The following NAPG variants were observed in gnomAD, a reference collection of about 807,000 sequenced individuals.
The protein encoded by NAPG is gamma-soluble NSF attachment protein.
In NAPG, 25 loss-of-function variants were observed where a neutral mutation model predicts 48.4. The observed-to-expected ratio is 0.52, with a 90% CI of 0.38 to 0.72. The LOEUF (loss-of-function observed/expected upper bound fraction) is 0.72. Ranked by LOEUF, NAPG falls within the 30% of genes least tolerant of loss-of-function variation. The pLI, the probability that NAPG is intolerant of heterozygous loss-of-function variation, is 0.00. For synonymous variants in NAPG, 139 were observed against 127.2 expected, an observed-to-expected ratio of 1.09 and a Z score of -0.62; for missense variants, 359 against 372.5, an observed-to-expected ratio of 0.96 and a Z score of 0.30.
At position 10,540,414 on chromosome 18, in the gene NAPG, A is replaced by T. The variant is rs755518573; in HGVS notation, c.506+15A>T. ...CGAGGACGTAGGTATGTCTTTAAAA[A>T]CTATTGCTGTGTGTTTAACTATACT... On this transcript the variant is annotated intron_variant, in intron 8 of 11. Transcript: ENST00000322897. 14 of 1,603,682 alleles carry T rather than the reference A, an allele frequency of 8.7e-6. No individual in the cohort carries two copies. Among genetic ancestry groups the T allele is most frequent in the Middle Eastern group, 3.3e-4 (2 of 6,052 alleles).
rs1332466123 is a variant in NAPG at position 10,551,211 on chromosome 18, G to A, written c.*991G>A. On this transcript the variant is annotated 3_prime_UTR_variant, in exon 12 of 12. Transcript: ENST00000322897. ...CTTGGCCTCCCAAAGTGCTGGGATTGTAGACATAAGCCACCTCACCCAGCC... is the reference window on the plus strand; with the variant it reads ...CTTGGCCTCCCAAAGTGCTGGGATTATAGACATAAGCCACCTCACCCAGCC... The A allele has an allele frequency of 6.6e-6, 1 of 151,796 alleles. No individual in the cohort carries two copies. Among genetic ancestry groups the A allele is most frequent in the African/African-American group, 2.4e-5 (1 of 41,326 alleles). 9.4% of individuals were successfully genotyped at this position (151,796 alleles called of 1,614,324 possible).
At position 10,548,444 on chromosome 18, in the gene NAPG, C is replaced by T. The variant is rs2032314220; in HGVS notation, c.665+66C>T. The stretch of plus-strand genomic sequence containing the variant: ...ACCTCTGTGTCTACAACTAAGATTG[C>T]TGCTAGGACACATGTTCCTGGCCAT... On this transcript the variant is annotated intron_variant, in intron 10 of 11. Transcript: ENST00000322897. The surrounding 1 kb of genome is among the most constrained non-coding windows in gnomAD (Gnocchi z 4.4). 2 of 1,248,920 alleles carry T rather than the reference C, an allele frequency of 1.6e-6. No homozygotes were observed. The highest frequency in any genetic ancestry group is 2.3e-6 in the Non-Finnish European group (2 of 854,754). The allele number at this position is 1,248,920 out of a possible 1,614,324, so 77.4% of individuals were successfully genotyped here.
rs61368477 is a variant in NAPG at position 10,548,017 on chromosome 18, G to A, written c.586-282G>A. On this transcript the variant is annotated intron_variant, in intron 9 of 11. Coordinates refer to ENST00000322897, the MANE Select transcript of NAPG (RefSeq NM_003826.3). This position sits in a 1 kb window ranked among gnomAD's most constrained non-coding sequence, Gnocchi z 4.4. ...TGATCTAAGGCTTGTGTCAAAGTGC[G>A]GTCCCCAGACCAGCAGCAGGAGTGC... Among the ~76,000 whole-genome samples the A allele has an allele frequency of 2.6e-3, 393 of 152,244 alleles. 2 individuals are homozygous for A. Among genetic ancestry groups the A allele is most frequent in the African/African-American group, 8.8e-3 (366 of 41,548 alleles).
In NAPG at chr18:10,534,501, G is replaced by C; in HGVS notation, c.258+5G>C. 6.2e-7 allele frequency: 1 copy of C among 1,612,302 alleles called. No individual in the cohort carries two copies. On this transcript the variant is annotated splice_donor_5th_base_variant and intron_variant, in intron 5 of 11. Coordinates refer to ENST00000322897, the MANE Select transcript of NAPG (RefSeq NM_003826.3). This position sits in a 1 kb window ranked among gnomAD's most constrained non-coding sequence, Gnocchi z 5.0. The stretch of plus-strand genomic sequence containing the variant: ...CAAGCTGGAATGATGTTGAAGGTCA[G>C]TAATGTTATGTCACAATTGTTGTGT...
intron 1 of NAPG, among the ~76,000 whole-genome samples, chr18:10,528,833 AG>A (rs1308964095): frequency 1.3e-5 from 2 of 152,114 alleles, no homozygotes; most frequent in African/African-American, 4.8e-5. Context: ...TGCTAGACAG[AG>A]TTACTCAGTG....
Position 10,540,609 on chromosome 18 carries a change from A to G in NAPG, c.506+210A>G, listed in dbSNP as rs1197460282. The G allele has an allele frequency of 6.7e-6, 3 of 446,674 alleles. No homozygotes were observed. In the East Asian group the frequency reaches 1.0e-4, roughly 16 times the overall value. 27.7% of individuals were successfully genotyped at this position (446,674 alleles called of 1,614,324 possible). On this transcript the variant is annotated intron_variant, in intron 8 of 11. Coordinates refer to ENST00000322897, the MANE Select transcript of NAPG (RefSeq NM_003826.3). ...CTGTTTTTTGAAAGTGTAATGCCCAAATTTATCATGCACTGTGCTTTTATT... is the reference window on the plus strand; with the variant it reads ...CTGTTTTTTGAAAGTGTAATGCCCAGATTTATCATGCACTGTGCTTTTATT...
chr18:10,530,676 T>G, intron 1 of NAPG, 94 bp from the exon 2 acceptor site: 1 of 742,250 alleles, frequency 1.3e-6, no homozygotes, highest in Non-Finnish European at 1.9e-6. Context: ...CCTTTTTTTT[T>G]TTTTTTTTAA....
intron 2 of NAPG, 99 bp from the exon 3 acceptor site, chr18:10,532,608 GAAGT>G (rs1238553835): frequency 1.9e-5 from 15 of 803,454 alleles, no homozygotes; most frequent in South Asian, 1.6e-4. Context: ...CTAAGTATTT[GAAGT>G]AAGTATGTTT....
At chr18:10,537,857 G>A (rs978081064) in intron 5 of NAPG, among the ~76,000 whole-genome samples, 1 of 152,080 alleles carries the variant, frequency 6.6e-6, no homozygotes, top group Non-Finnish European at 1.5e-5. Context: ...CTGTGTTATT[G>A]TTAGTTTCCA....
In NAPG at chr18:10,550,927, T is replaced by C. The variant is rs150720033; in HGVS notation, c.*707T>C. Reference sequence around the variant, plus strand: ...TACATACAGTGACTGTCTTCAAATCTACTTGGTTCTTGACCAAATAGGAGC... The same window carrying C: ...TACATACAGTGACTGTCTTCAAATCCACTTGGTTCTTGACCAAATAGGAGC... On this transcript the variant is annotated 3_prime_UTR_variant, in exon 12 of 12. Coordinates refer to ENST00000322897, the MANE Select transcript of NAPG (RefSeq NM_003826.3). The C allele has an allele frequency of 6.6e-6, 1 of 152,244 alleles. No individual in the cohort carries two copies. The highest frequency in any genetic ancestry group is 2.4e-5 in the African/African-American group (1 of 41,564). 9.4% of individuals were successfully genotyped at this position (152,244 alleles called of 1,614,324 possible).
chr18:10,533,578 T>A (rs773116097), intron 4 of NAPG, 25 bp downstream of exon 4: 4 of 1,585,390 alleles, frequency 2.5e-6, no homozygotes, highest in Non-Finnish European at 3.4e-6. Flanking sequence ...TGTTTTCATG[T>A]ATTTGCAAAT....
Position 10,542,336 on chromosome 18 carries a change from A to T in NAPG, c.506+1937A>T, listed in dbSNP as rs1009334035. On this transcript the variant is annotated intron_variant, in intron 8 of 11. Transcript: ENST00000322897. The surrounding 1 kb of genome is among the most constrained non-coding windows in gnomAD (Gnocchi z 4.5). Reference sequence around the variant, plus strand: ...TTTGAAGTGTATTAACAATATAAAAATTAATTTAAATTTGTGCAGGAACAT... The same window carrying T: ...TTTGAAGTGTATTAACAATATAAAATTTAATTTAAATTTGTGCAGGAACAT... Among the ~76,000 whole-genome samples the T allele has an allele frequency of 2.6e-5, 4 of 152,316 alleles. No homozygotes were observed. The South Asian group carries it at 8.3e-4, about 32-fold the overall frequency.
chr18:10,549,937 G>T lies in NAPG; in HGVS notation c.796-140G>T, dbSNP rs1380512562. On this transcript the variant is annotated intron_variant, in intron 11 of 11. Coordinates refer to ENST00000322897, the MANE Select transcript of NAPG (RefSeq NM_003826.3). ...CATGAGGCATCTGGGGAGCAGCATT[G>T]TTGGGCTTTGTTTTTCCATCTGAAT... 5.2e-6 allele frequency: 4 copies of T among 776,224 alleles called. No homozygotes were observed. In the African/African-American group the frequency reaches 7.3e-5, roughly 14 times the overall value. 48.1% of individuals were successfully genotyped at this position (776,224 alleles called of 1,614,324 possible).
intron 1 of NAPG, among the ~76,000 whole-genome samples, chr18:10,527,344 A>G (rs2031840346): frequency 6.6e-6 from 1 of 152,176 alleles, no homozygotes; most frequent in Non-Finnish European, 1.5e-5. Flanking sequence ...AAGCCTCATA[A>G]CGACTTGCCC....
chr18:10,534,477 A>G lies in NAPG; in HGVS notation c.239A>G (p.Gln80Arg), dbSNP rs1329961540. The G allele has an allele frequency of 6.2e-7, 1 of 1,613,250 alleles. No homozygotes were observed. The highest frequency in any genetic ancestry group is 8.5e-7 in the Non-Finnish European group (1 of 1,179,486). Residue 80 changes from glutamine (Q) to arginine (R), a missense_variant, in exon 5 of 12, where the codon CAA becomes CGA. By Grantham distance (43) the Gln-to-Arg change is conservative. Transcript: ENST00000322897. The surrounding 1 kb of genome is among the most constrained non-coding windows in gnomAD (Gnocchi z 5.0). ...ALFHAAKAYE[Q>R]AGMMLKEMQK... ...TATTCTCTTTGCAGAGCTTATGAGCAAGCTGGAATGATGTTGAAGGTCAGT... is the reference window on the plus strand; with the variant it reads ...TATTCTCTTTGCAGAGCTTATGAGCGAGCTGGAATGATGTTGAAGGTCAGT...
At chr18:10,528,163 GAGAC>G (rs968608278) in intron 1 of NAPG, among the ~76,000 whole-genome samples, 2 of 152,070 alleles carry the variant, frequency 1.3e-5, no homozygotes, top group African/African-American at 2.4e-5. Flanking sequence ...TCCAGCCTGG[GAGAC>G]AGAGCAAGAC....
intron 11 of NAPG, 52 bp downstream of exon 11, chr18:10,549,148 T>C: frequency 1.9e-6 from 3 of 1,554,938 alleles, no homozygotes; most frequent in Non-Finnish European, 2.6e-6. Flanking sequence ...AAGAAAGAGG[T>C]TTCTAGTGAG....
At position 10,526,174 on chromosome 18, in the gene NAPG, C is replaced by T. The variant is rs771469907; in HGVS notation, c.56+16C>T. The T allele has an allele frequency of 2.7e-6, 4 of 1,498,500 alleles. No homozygotes were observed. In the South Asian group the frequency reaches 3.3e-5, roughly 13 times the overall value. 92.8% of individuals were successfully genotyped at this position (1,498,500 alleles called of 1,614,324 possible). ...CAGAGAAATAGTGAGTGAGAACCTT[C>T]CGGGGGCCTGTGTGTAGACGCCGGG... On this transcript the variant is annotated intron_variant, in intron 1 of 11. Coordinates refer to ENST00000322897, the MANE Select transcript of NAPG (RefSeq NM_003826.3).
At chr18:10,538,757 A>G (rs1453708759) in intron 5 of NAPG, among the ~76,000 whole-genome samples, 1 of 152,178 alleles carries the variant, frequency 6.6e-6, no homozygotes, top group Non-Finnish European at 1.5e-5. Flanking sequence ...TTGCTATACA[A>G]TGTATTTGAG....
Sources: gnomAD v4.1 joint callset for allele counts (sites outside exome capture counted in the v4.1 genomes callset) on GRCh38, gnomAD v4.1.1 for gene constraint, Gnocchi (gnomAD v3.1) non-coding constraint, MANE v1.5 for transcripts, NCBI Gene and HGNC (gene_info 2026-07-23, HGNC 2026-07-21) for gene names.